NEXMIF: variants seen among roughly 807,000 people sequenced by gnomAD.
NEXMIF encodes the protein XLMR protein related to neurite extension.
In NEXMIF, 8 loss-of-function variants were observed where a neutral mutation model predicts 62.1. That is an observed-to-expected ratio of 0.13 (90% CI 0.08 to 0.23). NEXMIF has a LOEUF of 0.23. NEXMIF is among the 10% of genes least tolerant of loss of function. NEXMIF has a pLI of 1.00. For synonymous variants in NEXMIF, 404 were observed against 416.6 expected (o/e 0.97, Z 0.37); for missense variants, 976 against 1,113.3 (o/e 0.88, Z 1.75).
chrX:74,830,174 T>C (rs2080431446), intron 1 of NEXMIF, among the ~76,000 whole-genome samples: 1 of 111,973 alleles, frequency 8.9e-6, no homozygotes, highest in Non-Finnish European at 1.9e-5. Context: ...AGTAGTTTCA[T>C]AGTTTGAGGT....
At chrX:74,916,814 G>A (rs1018654982) in intron 1 of NEXMIF, among the ~76,000 whole-genome samples, 1 of 111,623 alleles carries the variant, frequency 9.0e-6, no homozygotes, top group Non-Finnish European at 1.9e-5. Context: ...AAAATAGGGG[G>A]GTAAATTCAT....
intron 1 of NEXMIF, among the ~76,000 whole-genome samples, chrX:74,869,847 T>G (rs2080593957): frequency 9.0e-6 from 1 of 111,651 alleles, no homozygotes; most frequent in South Asian, 3.7e-4. Context: ...GATATATCCA[T>G]GTTAATGGAT....
In NEXMIF at chrX:74,877,857, C is replaced by T. The variant is rs932936563; in HGVS notation, c.-48+47026G>A. On this transcript the variant is annotated intron_variant, in intron 1 of 3. Transcript: ENST00000055682. The stretch of plus-strand genomic sequence containing the variant: ...TCAGCTCCATCAGCTCCTTTAAGCA[C>T]TTCTCTGTATTGGTTATTCTAATTA... Among the ~76,000 whole-genome samples the T allele has an allele frequency of 4.2e-4, 47 of 111,762 alleles. 1 individual carries two copies. The highest frequency in any genetic ancestry group is 1.1e-4 in the Non-Finnish European group (6 of 53,159).
intron 1 of NEXMIF, among the ~76,000 whole-genome samples, chrX:74,772,530 C>T (rs1267543588): frequency 1.8e-5 from 2 of 112,718 alleles, no homozygotes; most frequent in Non-Finnish European, 3.7e-5. Flanking sequence ...TGACAAAAGT[C>T]TCTGCTACTT....
chrX:74,810,042 G>C (rs975103572), intron 1 of NEXMIF, among the ~76,000 whole-genome samples: 1 of 111,648 alleles, frequency 9.0e-6, no homozygotes, highest in African/African-American at 3.3e-5. Flanking sequence ...TATGGCTTTG[G>C]TATTCTTGAA....
intron 1 of NEXMIF, among the ~76,000 whole-genome samples, chrX:74,887,196 C>G (rs1436672487): frequency 2.7e-5 from 3 of 111,684 alleles, no homozygotes; most frequent in Non-Finnish European, 5.6e-5. Flanking sequence ...CCATAAAAAC[C>G]CTAGAAGAAA....
chrX:74,890,523 T>C (rs929358394), intron 1 of NEXMIF, among the ~76,000 whole-genome samples: 1 of 111,600 alleles, frequency 9.0e-6, no homozygotes, highest in African/African-American at 3.3e-5. Context: ...TATTAAATAA[T>C]GCAGGTGTGC....
intron 1 of NEXMIF, among the ~76,000 whole-genome samples, chrX:74,881,912 G>T (rs907893308): frequency 2.7e-5 from 3 of 111,607 alleles, no homozygotes; most frequent in Non-Finnish European, 5.6e-5. Context: ...ACCTAGTAGT[G>T]AGTCTTTTCC....
At position 74,851,523 on chromosome X, in the gene NEXMIF, G is replaced by A. The variant is rs142187615; in HGVS notation, c.-48+73360C>T. Among the ~76,000 whole-genome samples, 306 of 110,672 alleles carry A rather than the reference G, an allele frequency of 2.8e-3. 1 individual carries two copies. The highest frequency in any genetic ancestry group is 9.7e-3 in the African/African-American group (295 of 30,369). ...TAAGGGAACCCCTAACAGACTAACA[G>A]TTGGTTTCTCAGCAGAAACTTAACA... On this transcript the variant is annotated intron_variant, in intron 1 of 3. Transcript: ENST00000055682.
At chrX:74,850,276 C>T (rs191116953) in intron 1 of NEXMIF, among the ~76,000 whole-genome samples, 1 of 112,353 alleles carries the variant, frequency 8.9e-6, no homozygotes, top group East Asian at 2.8e-4. Context: ...CCACTGCTAA[C>T]ACCAGCACAA....
At chrX:74,763,425 G>C (rs1389674114) in intron 1 of NEXMIF, among the ~76,000 whole-genome samples, 1 of 111,727 alleles carries the variant, frequency 9.0e-6, no homozygotes. Flanking sequence ...TGTTCTTTTG[G>C]CTTAGGATTG....
At chrX:74,755,031 G>A (rs2080155488) in intron 1 of NEXMIF, among the ~76,000 whole-genome samples, 4 of 111,772 alleles carry the variant, frequency 3.6e-5, no homozygotes, top group Admixed American at 9.5e-5. Context: ...TAATATCAGG[G>A]TAGTTCCCAG....
chrX:74,879,572 G>A (rs1184477722), intron 1 of NEXMIF, among the ~76,000 whole-genome samples: 4 of 112,081 alleles, frequency 3.6e-5, no homozygotes, highest in Non-Finnish European at 5.6e-5. Context: ...AGAACACCTG[G>A]AAGCAAATTT....
intron 1 of NEXMIF, among the ~76,000 whole-genome samples, chrX:74,836,880 C>G (rs889514299): frequency 9.0e-6 from 1 of 111,216 alleles, no homozygotes; most frequent in Non-Finnish European, 1.9e-5. Context: ...ATTGCAGTCA[C>G]TGTGTCCTAG....
rs773802897 is a variant in NEXMIF at position 74,761,092 on chromosome X, G to A, written c.-47-15395C>T. Among the ~76,000 whole-genome samples the A allele has an allele frequency of 3.2e-3, 355 of 109,617 alleles. 2 individuals carry two copies. The highest frequency in any genetic ancestry group is 0.011 in the African/African-American group (338 of 30,054). On this transcript the variant is annotated intron_variant, in intron 1 of 3. Transcript: ENST00000055682. ...ACTATGTTGGTCAGGCTGGTCGTGA[G>A]CTCCTGACCTCAAGTGATCCGCCCG...
chrX:74,743,072 A>G lies in NEXMIF; in HGVS notation c.1485T>C (p.Asp495=), dbSNP rs771772119. The G allele has an allele frequency of 8.3e-7, 1 of 1,210,231 alleles. No homozygotes were observed. Among genetic ancestry groups the G allele is most frequent in the Non-Finnish European group, 1.1e-6 (1 of 894,593 alleles). ...KVRYSEDYLY[D]VDSLEGEKVN... is the part of the protein sequence containing the mutation. ...CTTTTTCACCCTCTAGTGAGTCAACATCATATAGATAATCTTCACTGTATC... is the reference window on the plus strand; with the variant it reads ...CTTTTTCACCCTCTAGTGAGTCAACGTCATATAGATAATCTTCACTGTATC... The change falls in exon 3 of 4, where the codon GAT becomes GAC. Residue 495 remains aspartate (D), a synonymous_variant. Coordinates refer to ENST00000055682, the MANE Select transcript of NEXMIF (RefSeq NM_001008537.3).
At chrX:74,838,956 A>G in intron 1 of NEXMIF, among the ~76,000 whole-genome samples, 1 of 111,896 alleles carries the variant, frequency 8.9e-6, no homozygotes, top group Admixed American at 9.5e-5. Context: ...CTTACTTAGG[A>G]TATAAATTAT....
chrX:74,799,913 A>C (rs2080324345), intron 1 of NEXMIF, among the ~76,000 whole-genome samples: 1 of 111,741 alleles, frequency 8.9e-6, no homozygotes, highest in African/African-American at 3.3e-5. Flanking sequence ...AAAAACTCAT[A>C]GTATTGAAGG....
chrX:74,770,496 A>C (rs2080206685), intron 1 of NEXMIF, among the ~76,000 whole-genome samples: 1 of 112,215 alleles, frequency 8.9e-6, no homozygotes, highest in African/African-American at 3.2e-5. Flanking sequence ...TTCAGTGCCT[A>C]CTTATATTTT....
Sources: allele counts gnomAD v4.1 joint callset (sites outside exome capture counted in the v4.1 genomes callset), GRCh38; gene constraint gnomAD v4.1.1; transcripts MANE v1.5; gene names NCBI Gene and HGNC (gene_info 2026-07-23, HGNC 2026-07-21).